SPIDR: variants seen among roughly 807,000 people sequenced by gnomAD.
SPIDR encodes the protein scaffold protein involved in DNA repair, also known as DNA repair-scaffolding protein.
Under a neutral mutation model 104.6 loss-of-function variants are expected in SPIDR, and 93 were observed. The ratio of observed to expected loss-of-function variants is 0.89; its 90% confidence interval spans 0.75 to 1.06. The LOEUF is 1.06. Among genes scored for constraint, SPIDR ranks in the 50% least tolerant of loss-of-function variants. The pLI, the probability that SPIDR is intolerant of heterozygous loss-of-function variation, is 0.00. For synonymous variants in SPIDR, 431 were observed against 416.9 expected (o/e 1.03, Z -0.41); for missense variants, 1,154 against 1,111.2 (o/e 1.04, Z -0.55).
intron 5 of SPIDR, among the ~76,000 whole-genome samples, chr8:47,319,590 C>T (rs369908138): frequency 3.9e-5 from 6 of 152,250 alleles, no homozygotes; most frequent in East Asian, 1.9e-4. Flanking sequence ...CTGCACCAAG[C>T]GGACCTAATA....
At chr8:47,711,215 T>A (rs895322886) in intron 14 of SPIDR, among the ~76,000 whole-genome samples, 1 of 152,236 alleles carries the variant, frequency 6.6e-6, no homozygotes, top group Non-Finnish European at 1.5e-5. Flanking sequence ...GAGTACCTCC[T>A]TATTTTCTGA....
At chr8:47,492,622 G>A (rs1420917901) in intron 8 of SPIDR, among the ~76,000 whole-genome samples, 1 of 152,064 alleles carries the variant, frequency 6.6e-6, no homozygotes, top group South Asian at 2.1e-4. Context: ...CCTTTAGCTG[G>A]TTACCTGCCT....
intron 5 of SPIDR, among the ~76,000 whole-genome samples, chr8:47,389,786 A>G (rs1175909725): frequency 6.6e-6 from 1 of 152,044 alleles, no homozygotes; most frequent in Non-Finnish European, 1.5e-5. Context: ...TATCAGGAAT[A>G]ACTGTGGTTA....
At chr8:47,261,048 C>A in intron 1 of SPIDR, 57 bp downstream of exon 1, 1 of 1,224,024 alleles carries the variant, frequency 8.2e-7, no homozygotes, top group African/African-American at 1.6e-5. Context: ...GGGGAAGCGG[C>A]GGGCCGGCGC....
intron 8 of SPIDR, among the ~76,000 whole-genome samples, chr8:47,585,819 A>G (rs2154415622): frequency 6.6e-6 from 1 of 152,156 alleles, no homozygotes; most frequent in South Asian, 2.1e-4. Context: ...ATGATAACCC[A>G]TTAGTCCATT....
intron 7 of SPIDR, among the ~76,000 whole-genome samples, chr8:47,425,689 T>A (rs2066294173): frequency 6.6e-6 from 1 of 152,222 alleles, no homozygotes; most frequent in Non-Finnish European, 1.5e-5. Flanking sequence ...TTTGAAAGAT[T>A]TCTTTAGGTT....
intron 6 of SPIDR, 139 bp from the exon 7 acceptor site, chr8:47,407,722 A>C (rs1257519622): frequency 4.6e-6 from 2 of 436,762 alleles, no homozygotes; most frequent in African/African-American, 2.0e-5. Context: ...CTGGGAAGAT[A>C]ATGTGGTAAC....
Position 47,549,704 on chromosome 8 carries a change from A to G in SPIDR, c.1098-46107A>G, listed in dbSNP as rs986966920. Among the ~76,000 whole-genome samples, 50 of 152,246 alleles carry G rather than the reference A, an allele frequency of 3.3e-4. 1 individual carries two copies. Among genetic ancestry groups the G allele is most frequent in the African/African-American group, 1.1e-3 (46 of 41,542 alleles). On this transcript the variant is annotated intron_variant, in intron 8 of 19. Coordinates refer to ENST00000297423, the MANE Select transcript of SPIDR (RefSeq NM_001080394.4). The stretch of plus-strand genomic sequence containing the variant: ...GAGTAGATTGCAAAAATGTTCTCCT[A>G]TTCTGTAGGTTGCCTGTTCACTCTG...
chr8:47,664,743 CAAAAAAA>C (rs771963348), intron 10 of SPIDR, among the ~76,000 whole-genome samples: 198 of 63,510 alleles, frequency 3.1e-3, no homozygotes, highest in African/African-American at 0.013. Flanking sequence ...CCCATCTCTA[CAAAAAAA>C]AAAAAAAAAA....
chr8:47,262,301 C>T (rs2032644800), intron 1 of SPIDR, among the ~76,000 whole-genome samples: 2 of 152,126 alleles, frequency 1.3e-5, no homozygotes, highest in Non-Finnish European at 2.9e-5. Flanking sequence ...GTCTCTTCAT[C>T]TTGTCATTTT....
intron 8 of SPIDR, among the ~76,000 whole-genome samples, chr8:47,449,574 G>A (rs2071319667): frequency 6.6e-6 from 1 of 152,136 alleles, no homozygotes; most frequent in South Asian, 2.1e-4. Context: ...TGAAAACTTT[G>A]TTTACTGGGT....
At chr8:47,502,005 T>C (rs1445555532) in intron 8 of SPIDR, among the ~76,000 whole-genome samples, 1 of 152,218 alleles carries the variant, frequency 6.6e-6, no homozygotes, top group Non-Finnish European at 1.5e-5. Context: ...CACTTGATCA[T>C]GGTCGATAAG....
chr8:47,482,325 C>T (rs1481639027), intron 8 of SPIDR, among the ~76,000 whole-genome samples: 1 of 152,108 alleles, frequency 6.6e-6, no homozygotes, highest in East Asian at 1.9e-4. Context: ...GTCCCAGCTA[C>T]TCAGGAGGCT....
At chr8:47,633,640 A>T (rs1308592108) in intron 10 of SPIDR, among the ~76,000 whole-genome samples, 1 of 151,148 alleles carries the variant, frequency 6.6e-6, no homozygotes, top group Non-Finnish European at 1.5e-5. Context: ...GGAGTTCAAG[A>T]CCAACATGGG....
intron 8 of SPIDR, among the ~76,000 whole-genome samples, chr8:47,496,518 C>T (rs536593456): frequency 3.3e-5 from 5 of 152,200 alleles, no homozygotes; most frequent in Admixed American, 2.6e-4. Flanking sequence ...AGTGGTAAAG[C>T]AACCTATGAT....
At chr8:47,399,899 G>A (rs999918188) in intron 6 of SPIDR, among the ~76,000 whole-genome samples, 3 of 152,332 alleles carry the variant, frequency 2.0e-5, no homozygotes, top group African/African-American at 7.2e-5. Context: ...AGCTGGGGCA[G>A]TAACGATGAC....
intron 8 of SPIDR, among the ~76,000 whole-genome samples, chr8:47,458,900 T>A (rs2073472832): frequency 6.6e-6 from 1 of 152,158 alleles, no homozygotes; most frequent in Admixed American, 6.6e-5. Flanking sequence ...GTTGAGGTGG[T>A]CATGTGATTT....
chr8:47,547,263 A>T (rs1031790920), intron 8 of SPIDR: 12 of 604,922 alleles, frequency 2.0e-5, no homozygotes, highest in Non-Finnish European at 3.6e-5. Flanking sequence ...CACGATGTAC[A>T]GCAAAGCAAC....
intron 8 of SPIDR, among the ~76,000 whole-genome samples, chr8:47,555,077 G>T (rs1310225679): frequency 1.3e-5 from 2 of 151,974 alleles, no homozygotes; most frequent in African/African-American, 4.8e-5. Flanking sequence ...GGTATAAAGT[G>T]GTATAATCTG....
Sources: gnomAD v4.1 joint callset for allele counts (sites outside exome capture counted in the v4.1 genomes callset) on GRCh38, gnomAD v4.1.1 for gene constraint, MANE v1.5 for transcripts, NCBI Gene and HGNC (gene_info 2026-07-23, HGNC 2026-07-21) for gene names.